The following TBXAS1 variants were observed in gnomAD, a reference collection of about 807,000 sequenced individuals.
TBXAS1 encodes the protein thromboxane-A synthase.
In TBXAS1, 48 loss-of-function variants were observed where a neutral mutation model predicts 60.7. That is an observed-to-expected ratio of 0.79 (90% CI 0.63 to 1.01). The LOEUF is 1.01. TBXAS1 is among the 50% of genes least tolerant of loss of function. The probability of loss-of-function intolerance (pLI) is 0.00; values close to 1 mark genes in which losing one functional copy is unlikely to be tolerated. For missense variants in TBXAS1, 685 were observed against 686.3 expected, an observed-to-expected ratio of 1.00 and a Z score of 0.02; for synonymous variants, 287 against 269.7, an observed-to-expected ratio of 1.06 and a Z score of -0.63.
intron 3 of TBXAS1, among the ~76,000 whole-genome samples, chr7:139,893,385 C>T (rs1010216796): frequency 2.0e-5 from 3 of 148,492 alleles, no homozygotes; most frequent in Non-Finnish European, 4.5e-5. Context: ...TTCAATACCC[C>T]CGAATATACA....
intron 1 of TBXAS1, among the ~76,000 whole-genome samples, chr7:139,831,128 TGGA>T (rs1358990264): frequency 6.6e-6 from 1 of 152,124 alleles, no homozygotes; most frequent in East Asian, 1.9e-4. Flanking sequence ...GTGCCCAGTC[TGGA>T]GGAGGCCCTG....
At chr7:139,985,153 C>A (rs1435266963) in intron 9 of TBXAS1, among the ~76,000 whole-genome samples, 1 of 152,214 alleles carries the variant, frequency 6.6e-6, no homozygotes, top group Admixed American at 6.5e-5. Flanking sequence ...CCAGTGTCCT[C>A]CAATTAATTC....
At chr7:140,008,598 C>T (rs1814280753) in intron 10 of TBXAS1, among the ~76,000 whole-genome samples, 1 of 152,014 alleles carries the variant, frequency 6.6e-6, no homozygotes, top group Non-Finnish European at 1.5e-5. Flanking sequence ...CAGGTGCCCG[C>T]CACTATGCCC....
intron 11 of TBXAS1, among the ~76,000 whole-genome samples, chr7:140,016,223 G>A (rs1048501722): frequency 2.4e-4 from 37 of 152,176 alleles, no homozygotes; most frequent in South Asian, 1.2e-3. Context: ...AGCTACTTGG[G>A]AGGCTGAGGC....
chr7:139,807,436 T>C (rs1474187962), intron 4 of TBXAS1, among the ~76,000 whole-genome samples: 2 of 150,940 alleles, frequency 1.3e-5, no homozygotes, highest in Non-Finnish European at 2.9e-5. Context: ...CAGGCTGGAG[T>C]GTAGTGGCGC....
intron 12 of TBXAS1, 43 bp downstream of exon 12, chr7:140,017,876 G>T (rs771470842): frequency 3.1e-6 from 5 of 1,613,548 alleles, no homozygotes; most frequent in Non-Finnish European, 3.4e-6. Context: ...GGCAGGGGTG[G>T]GAGGGCCACC....
intron 9 of TBXAS1, among the ~76,000 whole-genome samples, chr7:139,998,608 G>A (rs968048537): frequency 2.0e-5 from 3 of 152,196 alleles, no homozygotes; most frequent in Non-Finnish European, 4.4e-5. Context: ...GTGTGGTTGT[G>A]AAGACCAAAT....
rs532435177 is a variant in TBXAS1 at position 140,013,506 on chromosome 7, G to A, written c.1227-2217G>A. 2.0e-4 allele frequency among the ~76,000 whole-genome samples: 30 copies of A among 152,306 alleles called. No individual in the cohort carries two copies. Among genetic ancestry groups the A allele is most frequent in the African/African-American group, 7.0e-4 (29 of 41,566 alleles). On this transcript the variant is annotated intron_variant, in intron 10 of 12. Transcript: ENST00000448866. This position sits in a 1 kb window ranked among gnomAD's most constrained non-coding sequence, Gnocchi z 4.2. ...TGCCGGGATTTCAAGTTGCAAGGAA[G>A]AGAGATTCAATGGTGCTTTCTTGAG...
At chr7:139,967,249 T>C (rs1291431213) in intron 9 of TBXAS1, among the ~76,000 whole-genome samples, 1 of 152,232 alleles carries the variant, frequency 6.6e-6, no homozygotes, top group Non-Finnish European at 1.5e-5. Context: ...CACCCTGTCA[T>C]GTCTCTCCAA....
intron 4 of TBXAS1, among the ~76,000 whole-genome samples, chr7:139,813,409 C>A (rs1171253334): frequency 1.3e-5 from 2 of 152,188 alleles, no homozygotes; most frequent in Admixed American, 6.5e-5. Context: ...AGGAAACACC[C>A]TTCTGGTCAA....
At chr7:139,955,350 G>A in intron 6 of TBXAS1, 109 bp from the exon 7 acceptor site, 1 of 1,431,652 alleles carries the variant, frequency 7.0e-7, no homozygotes, top group South Asian at 1.2e-5. Flanking sequence ...ACATCTGCAG[G>A]GCTGGGCAAG....
At chr7:139,789,910 C>A (rs927022779) in intron 4 of TBXAS1, among the ~76,000 whole-genome samples, 2 of 152,106 alleles carry the variant, frequency 1.3e-5, no homozygotes, top group Non-Finnish European at 2.9e-5. Context: ...GGATTACAGG[C>A]GTGAGCCACC....
intron 5 of TBXAS1, among the ~76,000 whole-genome samples, chr7:139,941,056 T>C (rs1328504976): frequency 2.0e-5 from 3 of 152,190 alleles, no homozygotes; most frequent in East Asian, 3.9e-4. Context: ...TGTTAGGAGA[T>C]AGCTCAGAGA....
intron 8 of TBXAS1, among the ~76,000 whole-genome samples, chr7:139,958,908 T>A (rs932584689): frequency 6.6e-6 from 1 of 152,198 alleles, no homozygotes; most frequent in Non-Finnish European, 1.5e-5. Flanking sequence ...AGGTTCATGT[T>A]TCTCCGCAGA....
chr7:139,917,682 C>G (rs1806113431), intron 4 of TBXAS1, among the ~76,000 whole-genome samples: 1 of 152,188 alleles, frequency 6.6e-6, no homozygotes, highest in African/African-American at 2.4e-5. Context: ...CTTGGGAACA[C>G]AGGAATAGTG....
At chr7:139,816,644 C>A (rs1032409435) in intron 4 of TBXAS1, among the ~76,000 whole-genome samples, 1 of 152,198 alleles carries the variant, frequency 6.6e-6, no homozygotes, top group Admixed American at 6.5e-5. Context: ...AGGGCCCCAA[C>A]CCAGAATTAC....
intron 8 of TBXAS1, among the ~76,000 whole-genome samples, chr7:139,960,490 A>G (rs1355093726): frequency 6.6e-6 from 1 of 152,190 alleles, no homozygotes; most frequent in Admixed American, 6.5e-5. Flanking sequence ...ACAATCTTAA[A>G]AGATGGAATC....
chr7:139,926,937 T>G (rs1584871350), intron 4 of TBXAS1, among the ~76,000 whole-genome samples: 1 of 152,146 alleles, frequency 6.6e-6, no homozygotes, highest in East Asian at 1.9e-4. Context: ...GGAAATTGTA[T>G]AGTTTCCAAA....
chr7:140,007,272 T>C (rs1349783987), intron 10 of TBXAS1, 90 bp downstream of exon 10: 3 of 1,192,028 alleles, frequency 2.5e-6, no homozygotes, highest in Non-Finnish European at 3.7e-6. Flanking sequence ...CCTCCATCAG[T>C]TACCACTTGT....
Sources: allele counts gnomAD v4.1 joint callset (sites outside exome capture counted in the v4.1 genomes callset), GRCh38; gene constraint gnomAD v4.1.1; non-coding constraint Gnocchi (gnomAD v3.1); transcripts MANE v1.5; gene names NCBI Gene and HGNC (gene_info 2026-07-23, HGNC 2026-07-21).